Variants in TATDN1 observed in about 807,000 individuals in gnomAD.
The protein encoded by TATDN1 is deoxyribonuclease TATDN1.
TATDN1 carries 40 observed loss-of-function variants against 46.4 expected under a neutral mutation model. The ratio of observed to expected loss-of-function variants is 0.86; its 90% confidence interval spans 0.67 to 1.12. The LOEUF (loss-of-function observed/expected upper bound fraction) is 1.12. Ranked by LOEUF, TATDN1 falls within the 50% of genes most tolerant of loss-of-function variation. The pLI, the probability that TATDN1 is intolerant of heterozygous loss-of-function variation, is 0.00. For synonymous variants in TATDN1, 95 were observed against 105.6 expected (o/e 0.90, Z 0.62); for missense variants, 326 against 348.4 (o/e 0.94, Z 0.51).
intron 4 of TATDN1, among the ~76,000 whole-genome samples, chr8:124,517,036 T>G (rs1003392354): frequency 6.6e-6 from 1 of 152,192 alleles, no homozygotes; most frequent in African/African-American, 2.4e-5. Context: ...GTGGGAGAAC[T>G]TTAAAAAGCA....
chr8:124,536,500 A>G (rs1821438755), intron 1 of TATDN1, among the ~76,000 whole-genome samples: 1 of 152,180 alleles, frequency 6.6e-6, no homozygotes, highest in Non-Finnish European at 1.5e-5. Flanking sequence ...CCATGATCTA[A>G]GCCACTGTAC....
intron 9 of TATDN1, among the ~76,000 whole-genome samples, chr8:124,496,427 G>A (rs568876276): frequency 1.2e-4 from 19 of 152,280 alleles, no homozygotes; most frequent in Admixed American, 2.0e-4. Flanking sequence ...GCAATGACAC[G>A]TATCTACCAT....
chr8:124,502,521 C>T (rs1316172216), intron 9 of TATDN1, among the ~76,000 whole-genome samples: 2 of 152,122 alleles, frequency 1.3e-5, no homozygotes, highest in African/African-American at 4.8e-5. Flanking sequence ...GAAATACTGG[C>T]TTGTATTTAA....
intron 6 of TATDN1, among the ~76,000 whole-genome samples, chr8:124,514,285 A>C (rs752015133): frequency 6.6e-6 from 1 of 152,178 alleles, no homozygotes; most frequent in Non-Finnish European, 1.5e-5. Context: ...AAGCGGGAGG[A>C]AGTACACTTT....
At chr8:124,534,840 C>T (rs1354575037) in intron 1 of TATDN1, among the ~76,000 whole-genome samples, 25 of 152,216 alleles carry the variant, frequency 1.6e-4, no homozygotes, top group Non-Finnish European at 4.4e-5. Context: ...ATAAGAGGTT[C>T]CCACAACCCC....
At chr8:124,506,334 C>CAA (rs56023168) in intron 8 of TATDN1, among the ~76,000 whole-genome samples, 7,319 of 51,724 alleles carry the variant, frequency 0.14, 607 homozygotes, top group Non-Finnish European at 0.19. Flanking sequence ...GGCTCTGTCT[C>CAA]AAAAAAAAAA....
Position 124,493,854 on chromosome 8 carries a change from C to A in TATDN1, c.770G>T (p.Arg257Ile), listed in dbSNP as rs1453200773. The change falls in exon 11 of 12, where the codon AGA (arginine) becomes ATA (isoleucine). Residue 257 changes from arginine (R) to isoleucine (I), a missense_variant. Coordinates refer to ENST00000276692, the MANE Select transcript of TATDN1 (RefSeq NM_032026.4). ...TCACATTATATGGCAGGGTTCATTT[C>A]TGTCTTTTAAGCAGTGCCCACTTTC... ...KWESGHCLKD[R>I]NEPCHIIQIL... 1 of 1,608,872 alleles carries A rather than the reference C, an allele frequency of 6.2e-7. No individual in the cohort carries two copies. The highest frequency in any genetic ancestry group is 1.7e-5 in the Admixed American group (1 of 59,016).
In TATDN1 at chr8:124,523,020, C is replaced by T; in HGVS notation, c.23-18G>A. 6.2e-7 allele frequency: 1 copy of T among 1,606,228 alleles called. No individual in the cohort carries two copies. The highest frequency in any genetic ancestry group is 8.5e-7 in the Non-Finnish European group (1 of 1,174,586). Reference sequence around the variant, plus strand: ...ACCAATATCTGTAGAAAGCAAAAGTCACTGATTAATTATTGAGTCTCTACA... The same window carrying T: ...ACCAATATCTGTAGAAAGCAAAAGTTACTGATTAATTATTGAGTCTCTACA... On this transcript the variant is annotated intron_variant, in intron 1 of 11. Transcript: ENST00000276692.
At chr8:124,530,811 A>G (rs1820888921) in intron 1 of TATDN1, among the ~76,000 whole-genome samples, 1 of 152,184 alleles carries the variant, frequency 6.6e-6, no homozygotes, top group Non-Finnish European at 1.5e-5. Flanking sequence ...GTCTTTGAAT[A>G]CAGTCCTGGC....
chr8:124,533,227 G>A (rs900826416), intron 1 of TATDN1, among the ~76,000 whole-genome samples: 2 of 151,762 alleles, frequency 1.3e-5, no homozygotes, highest in African/African-American at 2.4e-5. Flanking sequence ...ACTACAGCCT[G>A]GGCGACAGAG....
chr8:124,518,195 G>A, intron 4 of TATDN1, among the ~76,000 whole-genome samples: 1 of 105,208 alleles, frequency 9.5e-6, no homozygotes, highest in African/African-American at 3.7e-5. Context: ...CTGGGCGACA[G>A]AGTGAGACTC....
chr8:124,502,130 C>G (rs1171523276), intron 9 of TATDN1, among the ~76,000 whole-genome samples: 1 of 151,968 alleles, frequency 6.6e-6, no homozygotes. Context: ...GTCAGGAGGT[C>G]GAGACCATCC....
intron 9 of TATDN1, 95 bp downstream of exon 9, chr8:124,504,176 T>A: frequency 2.1e-6 from 2 of 934,586 alleles, no homozygotes; most frequent in South Asian, 1.8e-5. Flanking sequence ...ACACAAACTT[T>A]AATGAAAATA....
chr8:124,513,155 G>C (rs367940193), intron 6 of TATDN1, among the ~76,000 whole-genome samples: 2 of 152,066 alleles, frequency 1.3e-5, no homozygotes, highest in East Asian at 3.9e-4. Context: ...TCAGGTGATC[G>C]GCCTGCCTTG....
At chr8:124,533,760 G>C (rs1452003687) in intron 1 of TATDN1, among the ~76,000 whole-genome samples, 1 of 151,956 alleles carries the variant, frequency 6.6e-6, no homozygotes, top group Non-Finnish European at 1.5e-5. Flanking sequence ...GTCGAGGGGG[G>C]TTCTGTTCAG....
At chr8:124,524,712 A>G (rs1820337334) in intron 1 of TATDN1, among the ~76,000 whole-genome samples, 2 of 152,124 alleles carry the variant, frequency 1.3e-5, no homozygotes, top group African/African-American at 4.8e-5. Context: ...CAGAAGGGGG[A>G]GGGACTGGGC....
chr8:124,533,068 C>T (rs1476368279), intron 1 of TATDN1, among the ~76,000 whole-genome samples: 3 of 151,994 alleles, frequency 2.0e-5, no homozygotes, highest in Non-Finnish European at 4.4e-5. Flanking sequence ...CTGGCTAACA[C>T]GGTAAAACCC....
intron 1 of TATDN1, among the ~76,000 whole-genome samples, chr8:124,530,459 C>A (rs1405969667): frequency 2.0e-5 from 3 of 151,982 alleles, no homozygotes; most frequent in African/African-American, 7.3e-5. Flanking sequence ...GGGACAATTG[C>A]AAAGAGAGGG....
intron 3 of TATDN1, chr8:124,521,488 TAACA>T (rs1820040351): frequency 6.6e-6 from 1 of 152,188 alleles, no homozygotes; most frequent in African/African-American, 2.4e-5. Context: ...TTGTGAATAA[TAACA>T]AATAAAAGTT....
Sources: gnomAD v4.1 joint callset for allele counts (sites outside exome capture counted in the v4.1 genomes callset) on GRCh38, gnomAD v4.1.1 for gene constraint, MANE v1.5 for transcripts, NCBI Gene and HGNC (gene_info 2026-07-23, HGNC 2026-07-21) for gene names.